OGDH: variants seen among roughly 807,000 people sequenced by gnomAD.
OGDH encodes 2-oxoglutarate dehydrogenase complex component E1.
In OGDH, 38 loss-of-function variants were observed where a neutral mutation model predicts 116.6. That is an observed-to-expected ratio of 0.33 (90% CI 0.25 to 0.43). The LOEUF (loss-of-function observed/expected upper bound fraction) is 0.43, where lower values mean the gene tolerates loss of function less well. OGDH is among the 20% of genes least tolerant of loss of function. The pLI, the probability that OGDH is intolerant of heterozygous loss-of-function variation, is 1.00. For missense variants in OGDH, 825 were observed against 1,357.2 expected, an observed-to-expected ratio of 0.61 and a Z score of 6.16; for synonymous variants, 488 against 533.3, an observed-to-expected ratio of 0.92 and a Z score of 1.17.
chr7:44,643,441 TC>T (rs201724252), intron 2 of OGDH, among the ~76,000 whole-genome samples: 20 of 152,178 alleles, frequency 1.3e-4, no homozygotes, highest in East Asian at 9.7e-4. Context: ...TCCACAAAAC[TC>T]CCCTCAAAAA....
chr7:44,674,603 G>A (rs1364347068), intron 7 of OGDH, 46 bp downstream of exon 7: 2 of 1,609,354 alleles, frequency 1.2e-6, no homozygotes, highest in African/African-American at 2.7e-5. Flanking sequence ...CATCCCTGTG[G>A]GCTGTGTAGG....
At chr7:44,629,231 A>G (rs1785328112) in intron 2 of OGDH, among the ~76,000 whole-genome samples, 1 of 152,074 alleles carries the variant, frequency 6.6e-6, no homozygotes, top group South Asian at 2.1e-4. Flanking sequence ...TTGTAGGGAC[A>G]GGTGCCCACC....
chr7:44,644,775 T>C (rs1160077919), intron 2 of OGDH, among the ~76,000 whole-genome samples: 1 of 152,116 alleles, frequency 6.6e-6, no homozygotes, highest in African/African-American at 2.4e-5. Context: ...CCCAGGGAAG[T>C]GAAAGGACAT....
intron 1 of OGDH, among the ~76,000 whole-genome samples, chr7:44,614,707 C>G (rs1784701343): frequency 6.6e-6 from 1 of 152,020 alleles, no homozygotes; most frequent in African/African-American, 2.4e-5. Flanking sequence ...TTCATAGTTG[C>G]TCGTGGAAGC....
intron 2 of OGDH, among the ~76,000 whole-genome samples, chr7:44,642,559 A>G (rs1371112839): frequency 6.6e-6 from 1 of 152,224 alleles, no homozygotes; most frequent in Non-Finnish European, 1.5e-5. Flanking sequence ...TCTGTCTTCT[A>G]CATCAGACAA....
intron 2 of OGDH, among the ~76,000 whole-genome samples, chr7:44,629,261 T>C (rs1386146423): frequency 6.6e-6 from 1 of 152,226 alleles, no homozygotes; most frequent in African/African-American, 2.4e-5. Context: ...AGCATGGTGT[T>C]GAGTTCCTTG....
In OGDH at chr7:44,669,649, G is replaced by C. The variant is rs184572578; in HGVS notation, c.633+2798G>C. 1.7e-4 allele frequency among the ~76,000 whole-genome samples: 26 copies of C among 152,214 alleles called. No individual in the cohort carries two copies. In the East Asian group the frequency reaches 4.1e-3, roughly 24 times the overall value. On this transcript the variant is annotated intron_variant, in intron 5 of 22. Transcript: ENST00000222673. ...GTAATTTCGATTTCATCATATGAAG[G>C]GGGTGGAGGGCCTGAAGCACATTGA... is the stretch of plus-strand genomic sequence containing the variant.
intron 10 of OGDH, 88 bp downstream of exon 10, chr7:44,681,936 C>G: frequency 6.6e-7 from 1 of 1,518,780 alleles, no homozygotes; most frequent in Non-Finnish European, 9.0e-7. Flanking sequence ...TCACTGTTTT[C>G]TGATTATAAA....
At chr7:44,616,962 T>C (rs1585220800) in intron 1 of OGDH, among the ~76,000 whole-genome samples, 1 of 130,120 alleles carries the variant, frequency 7.7e-6, no homozygotes, top group East Asian at 2.7e-4. Context: ...AGCTCTGGAG[T>C]CTCACTCTGT....
At chr7:44,621,313 A>G (rs533828605) in intron 1 of OGDH, among the ~76,000 whole-genome samples, 9 of 152,260 alleles carry the variant, frequency 5.9e-5, no homozygotes, top group East Asian at 5.8e-4. Flanking sequence ...GCCTCAAACA[A>G]TCCTTAAGCC....
chr7:44,691,981 T>TAAAAAAAAAAAAAAA (rs371665967), intron 10 of OGDH, among the ~76,000 whole-genome samples: 1 of 102,608 alleles, frequency 9.7e-6, no homozygotes, highest in African/African-American at 4.4e-5. Flanking sequence ...GACTCTGTCT[T>TAAAAAAAAAAAAAAA]AAAAAAAAAA....
chr7:44,694,803 G>C lies in OGDH; in HGVS notation c.1668+227G>C, dbSNP rs951851335. Among the ~76,000 whole-genome samples the C allele has an allele frequency of 6.6e-6, 1 of 152,216 alleles. No individual in the cohort carries two copies. Among genetic ancestry groups the C allele is most frequent in the Non-Finnish European group, 1.5e-5 (1 of 68,040 alleles). On this transcript the variant is annotated intron_variant, in intron 12 of 22. Coordinates refer to ENST00000222673, the MANE Select transcript of OGDH (RefSeq NM_002541.4). This position sits in a 1 kb window ranked among gnomAD's most constrained non-coding sequence, Gnocchi z 4.2. ...TTAAACAGTGTTTTGGGGAAGGGAAGGGGATGTTTTCAGGTTGAGGTAGTA... is the reference window on the plus strand; with the variant it reads ...TTAAACAGTGTTTTGGGGAAGGGAACGGGATGTTTTCAGGTTGAGGTAGTA...
chr7:44,704,856 G>A (rs530144990), intron 20 of OGDH, among the ~76,000 whole-genome samples: 9 of 151,048 alleles, frequency 6.0e-5, no homozygotes, highest in East Asian at 5.9e-4. Flanking sequence ...GATTACAGGC[G>A]CACGCCACCA....
intron 1 of OGDH, among the ~76,000 whole-genome samples, chr7:44,607,028 C>T (rs1474181819): frequency 6.6e-6 from 1 of 152,188 alleles, no homozygotes; most frequent in Non-Finnish European, 1.5e-5. Flanking sequence ...CCCAAGGTCG[C>T]CGCGGGCGTC....
In OGDH at chr7:44,705,051, C is replaced by CTTTTTTTTTTT. The variant is rs777624714; in HGVS notation, c.2633-2165_2633-2155dup. Among the ~76,000 whole-genome samples the CTTTTTTTTTTT allele has an allele frequency of 1.0e-2, 936 of 93,856 alleles. 60 individuals carry two copies. The highest frequency in any genetic ancestry group is 0.02 in the African/African-American group (344 of 17,056). The allele number at this position is 93,856 out of a possible 152,430, so 61.6% of individuals were successfully genotyped here. ...TTGATGTACAAAAGTTTTTAATTTT[C>CTTTTTTTTTTT]TTTTTTTTTTTTTTTTTTTGAGACG... On this transcript the variant is annotated intron_variant, in intron 20 of 22. Coordinates refer to ENST00000222673, the MANE Select transcript of OGDH (RefSeq NM_002541.4).
rs1252435280 is a variant in OGDH at position 44,707,974 on chromosome 7, T to A, written c.3047T>A (p.Leu1016Gln). ...CGCCTCCTGGACACGGCCTTCGACC[T>A]GGACGTCTTCAAGAACTTCTCGTAG... The part of the protein sequence containing the change: ...LQRLLDTAFD[L>Q]DVFKNFS Residue 1016 changes from leucine to glutamine, a missense_variant, in exon 23 of 23, where the codon CTG becomes CAG. Leu to Gln is a moderately radical substitution (Grantham distance 113). Coordinates refer to ENST00000222673, the MANE Select transcript of OGDH (RefSeq NM_002541.4). The surrounding 1 kb of genome is among the most constrained non-coding windows in gnomAD (Gnocchi z 5.2). 1 of 1,613,740 alleles carries A rather than the reference T, an allele frequency of 6.2e-7. No homozygotes were observed. Among genetic ancestry groups the A allele is most frequent in the Admixed American group, 1.7e-5 (1 of 60,014 alleles).
In OGDH at chr7:44,696,923, G is replaced by A. The variant is rs527311146; in HGVS notation, c.1910G>A (p.Arg637Gln). Reference sequence around the variant, plus strand: ...AGCTGTGTCTCTGCAGGGCTGAGCCGGATCTTGAAGACTCGTGGGGAAATG... The same window carrying A: ...AGCTGTGTCTCTGCAGGGCTGAGCCAGATCTTGAAGACTCGTGGGGAAATG... ...ENFTIHGGLS[R>Q]ILKTRGEMVK... Residue 637 changes from arginine to glutamine, a missense_variant, in exon 15 of 23, where the codon CGG (arginine) becomes CAG (glutamine). Transcript: ENST00000222673. 3.1e-6 allele frequency: 5 copies of A among 1,611,044 alleles called. No homozygotes were observed. Among genetic ancestry groups the A allele is most frequent in the Non-Finnish European group, 2.5e-6 (3 of 1,178,258 alleles).
intron 3 of OGDH, 37 bp downstream of exon 3, chr7:44,645,555 G>A: frequency 6.2e-7 from 1 of 1,602,336 alleles, no homozygotes; most frequent in Non-Finnish European, 8.5e-7. Context: ...GGGAAAGGGT[G>A]CAGTGTTCCT....
At chr7:44,672,752 C>T (rs1787524224) in intron 5 of OGDH, among the ~76,000 whole-genome samples, 2 of 150,992 alleles carry the variant, frequency 1.3e-5, no homozygotes, top group African/African-American at 4.9e-5. Flanking sequence ...AAGCGATTCT[C>T]CTGCGTCAGC....
Sources: allele counts gnomAD v4.1 joint callset (sites outside exome capture counted in the v4.1 genomes callset), GRCh38; gene constraint gnomAD v4.1.1; non-coding constraint Gnocchi (gnomAD v3.1); transcripts MANE v1.5; gene names NCBI Gene and HGNC (gene_info 2026-07-23, HGNC 2026-07-21).